The following NCOR2 variants were observed in gnomAD, a reference collection of about 807,000 sequenced individuals.
The protein encoded by NCOR2 is CTG repeat protein 26.
NCOR2 carries 81 observed loss-of-function variants against 262.9 expected under a neutral mutation model. The observed-to-expected ratio is 0.31, with a 90% CI of 0.26 to 0.37. The LOEUF is 0.37. NCOR2 is among the 10% of genes least tolerant of loss of function. The probability of loss-of-function intolerance (pLI) is 1.00; values close to 1 mark genes in which losing one functional copy is unlikely to be tolerated. For synonymous variants in NCOR2, 1,659 were observed against 1,559.3 expected, an observed-to-expected ratio of 1.06 and a Z score of -1.51; for missense variants, 3,385 against 3,621.4, an observed-to-expected ratio of 0.93 and a Z score of 1.68.
intron 13 of NCOR2, among the ~76,000 whole-genome samples, chr12:124,418,235 AC>A (rs759799703): frequency 1.2e-4 from 19 of 152,090 alleles, no homozygotes; most frequent in Non-Finnish European, 2.2e-4. Context: ...AAACGCAGCC[AC>A]CCTTCCACGA....
At position 124,411,003 on chromosome 12, in the gene NCOR2, A is replaced by G. The variant is rs1356099627; in HGVS notation, c.1483-8442T>C. ...GCAGAGACCTGGAGGAGGAAGGGTG[A>G]GAGGAGAGACCCAGGGACAGGGTGA... On this transcript the variant is annotated intron_variant, in intron 13 of 46. Transcript: ENST00000405201. Among the ~76,000 whole-genome samples the G allele has an allele frequency of 2.4e-5, 3 of 126,812 alleles. No homozygotes were observed. In the Admixed American group the frequency reaches 2.5e-4, roughly 11 times the overall value. 83.2% of individuals were successfully genotyped at this position (126,812 alleles called of 152,430 possible).
chr12:124,467,764 CCCATCA>C, intron 4 of NCOR2, among the ~76,000 whole-genome samples: 1 of 114,108 alleles, frequency 8.8e-6, no homozygotes, highest in Non-Finnish European at 1.9e-5. Flanking sequence ...CTTCATCACC[CCCATCA>C]CCCTCATCAT....
chr12:124,424,945 C>A (rs1484651133), intron 11 of NCOR2, among the ~76,000 whole-genome samples: 1 of 152,242 alleles, frequency 6.6e-6, no homozygotes. Context: ...TGAGGAGGTG[C>A]TCTATGTCCT....
intron 7 of NCOR2, among the ~76,000 whole-genome samples, chr12:124,438,659 G>C (rs2136414664): frequency 7.6e-6 from 1 of 132,392 alleles, no homozygotes; most frequent in Admixed American, 7.9e-5. Context: ...CGTCCTGGGA[G>C]ACGGGAGTTT....
exon 45 of NCOR2, chr12:124,327,557 C>A: frequency 6.2e-7 from 1 of 1,613,726 alleles, no homozygotes; most frequent in Non-Finnish European, 8.5e-7. Flanking sequence ...CCATGAGTGC[C>A]TTTCTAATTA....
chr12:124,488,214 A>G (rs1183566874), intron 1 of NCOR2, among the ~76,000 whole-genome samples: 4 of 152,208 alleles, frequency 2.6e-5, no homozygotes, highest in Non-Finnish European at 5.9e-5. Context: ...TTGCAGACCC[A>G]ACAAAATCAG....
chr12:124,372,156 G>C (rs756845867), exon 20 of NCOR2: 1 of 1,601,448 alleles, frequency 6.2e-7, no homozygotes, highest in East Asian at 2.2e-5. Context: ...TCTCTGCCTT[G>C]AGCGCCCCCT....
At chr12:124,429,471 C>T (rs1321391673) in intron 10 of NCOR2, 142 bp downstream of exon 12, 1 of 825,952 alleles carries the variant, frequency 1.2e-6, no homozygotes, top group Non-Finnish European at 2.0e-6. Flanking sequence ...ACCTCAATAC[C>T]CACCTTGATT....
At chr12:124,448,578 T>C (rs1217149139) in intron 7 of NCOR2, among the ~76,000 whole-genome samples, 1 of 152,084 alleles carries the variant, frequency 6.6e-6, no homozygotes, top group Non-Finnish European at 1.5e-5. Flanking sequence ...TGTCAGGTGC[T>C]CCTGAACCCG....
At chr12:124,388,871 AGGG>A in intron 16 of NCOR2, 2 of 109,596 alleles carry the variant, frequency 1.8e-5, no homozygotes, top group African/African-American at 1.0e-4. Flanking sequence ...ACGGTGAGGG[AGGG>A]AGGGAGGGAG....
At chr12:124,522,872 T>C (rs1010194460) in intron 1 of NCOR2, among the ~76,000 whole-genome samples, 1 of 152,204 alleles carries the variant, frequency 6.6e-6, no homozygotes, top group Admixed American at 6.5e-5. Context: ...AGCCACCCTC[T>C]CCGGCCTGAG....
intron 5 of NCOR2, among the ~76,000 whole-genome samples, chr12:124,458,963 A>G (rs1276266664): frequency 6.6e-6 from 1 of 152,162 alleles, no homozygotes; most frequent in African/African-American, 2.4e-5. Context: ...GGCAGCTCCC[A>G]AACACTGGGA....
In NCOR2 at chr12:124,372,014, C is replaced by T; in HGVS notation, c.2807+8G>A. The T allele has an allele frequency of 6.3e-7, 1 of 1,578,942 alleles. No individual in the cohort carries two copies. ...AGCCAAGGTTAGGGCTGCCTGGCGC[C>T]CACTCACCGGTTCTTGTCGCCGCCC... On this transcript the variant is annotated splice_region_variant and intron_variant, in intron 20 of 46. Transcript: ENST00000405201.
At chr12:124,556,669 G>A (rs2051891663) in intron 1 of NCOR2, among the ~76,000 whole-genome samples, 1 of 152,152 alleles carries the variant, frequency 6.6e-6, no homozygotes, top group Non-Finnish European at 1.5e-5. Flanking sequence ...AGACCAGCCT[G>A]GCCAACATGG....
intron 13 of NCOR2, among the ~76,000 whole-genome samples, chr12:124,413,699 G>T (rs532721715): frequency 3.3e-5 from 5 of 152,168 alleles, no homozygotes; most frequent in Admixed American, 1.3e-4. Flanking sequence ...GGGAGTGGGG[G>T]TGCTGAGAGA....
chr12:124,326,144 G>C, intron 46 of NCOR2, 47 bp downstream of exon 48: 2 of 1,442,834 alleles, frequency 1.4e-6, no homozygotes, highest in Non-Finnish European at 1.8e-6. Context: ...TCACAGCCCA[G>C]TGTTGGGGGC....
chr12:124,418,436 A>G (rs563517498), intron 13 of NCOR2, among the ~76,000 whole-genome samples: 1 of 151,036 alleles, frequency 6.6e-6, no homozygotes, highest in Non-Finnish European at 1.5e-5. Context: ...TGGTCTCAAC[A>G]CCTTATGGGT....
At position 124,335,126 on chromosome 12, in the gene NCOR2, C is replaced by CGTA. The variant is rs2035773344; in HGVS notation, c.6411+6_6411+8dup. On this transcript the variant is annotated intron_variant, in intron 40 of 46. Transcript: ENST00000405201. ...AGGTGACAAGCAGCAGCAGAGAACG[C>CGTA]GTAGTTACACTGATGTGCTGGGCCA... 1.2e-6 allele frequency: 2 copies of CGTA among 1,612,218 alleles called. No individual in the cohort carries two copies. The highest frequency in any genetic ancestry group is 1.7e-6 in the Non-Finnish European group (2 of 1,179,914).
At chr12:124,473,523 C>A (rs1158495870) in intron 3 of NCOR2, among the ~76,000 whole-genome samples, 1 of 152,148 alleles carries the variant, frequency 6.6e-6, no homozygotes, top group Non-Finnish European at 1.5e-5. Flanking sequence ...CTGCAGATGG[C>A]CTGTTGTGGG....
Sources: gnomAD v4.1 joint callset for allele counts (sites outside exome capture counted in the v4.1 genomes callset) on GRCh38, gnomAD v4.1.1 for gene constraint, MANE v1.5 for transcripts, NCBI Gene and HGNC (gene_info 2026-07-23, HGNC 2026-07-21) for gene names.